Variants in PRKAG2 observed in about 807,000 individuals in gnomAD.
The protein encoded by PRKAG2 is protein kinase AMP-activated non-catalytic subunit gamma 2.
A neutral mutation model predicts 69.6 loss-of-function variants in PRKAG2; 26 were observed. That is an observed-to-expected ratio of 0.37 (90% CI 0.27 to 0.52). PRKAG2 has a LOEUF of 0.52. Ranked by LOEUF, PRKAG2 falls within the 20% of genes least tolerant of loss-of-function variation. The pLI is 0.90. For synonymous variants in PRKAG2, 293 were observed against 285.0 expected (o/e 1.03, Z -0.28); for missense variants, 557 against 740.0 (o/e 0.75, Z 2.87).
intron 1 of PRKAG2, among the ~76,000 whole-genome samples, chr7:151,812,995 C>A (rs905738108): frequency 3.3e-5 from 5 of 151,524 alleles, no homozygotes; most frequent in Admixed American, 6.6e-5. Context: ...AGTTTCCATG[C>A]AAGTTGGGGA....
intron 4 of PRKAG2, among the ~76,000 whole-genome samples, chr7:151,654,504 C>G (rs979464058): frequency 6.6e-6 from 1 of 152,192 alleles, no homozygotes; most frequent in African/African-American, 2.4e-5. Flanking sequence ...AAGGTTTCAA[C>G]TTATTACGAC....
At position 151,572,686 on chromosome 7, in the gene PRKAG2, T is replaced by C; in HGVS notation, c.1029A>G (p.Glu343=). ...TACCCCTCCATGTTTCAATTTTATG[T>C]TCCTCTAATTCATAAATCTGTACCT... ...SPMVQIYELE[E]HKIETWRELY... Residue 343 remains glutamate (E), a synonymous_variant, in exon 9 of 16, where the codon GAA becomes GAG. Transcript: ENST00000287878. 1 of 1,597,332 alleles carries C rather than the reference T, an allele frequency of 6.3e-7. No homozygotes were observed. Among genetic ancestry groups the C allele is most frequent in the Non-Finnish European group, 8.6e-7 (1 of 1,166,538 alleles).
chr7:151,673,143 G>A (rs1301365835), intron 4 of PRKAG2, among the ~76,000 whole-genome samples: 2 of 152,148 alleles, frequency 1.3e-5, no homozygotes, highest in Non-Finnish European at 2.9e-5. Context: ...GCACAAAGCT[G>A]CTGCCGTCAA....
intron 2 of PRKAG2, among the ~76,000 whole-genome samples, chr7:151,784,823 G>C (rs1375595408): frequency 1.3e-5 from 2 of 152,238 alleles, no homozygotes; most frequent in African/African-American, 4.8e-5. Context: ...CTAGGAAGCA[G>C]CCCTGCCAGT....
At position 151,756,548 on chromosome 7, in the gene PRKAG2, G is replaced by A. The variant is rs1004067830; in HGVS notation, c.466+24604C>T. Among the ~76,000 whole-genome samples, 6 of 152,206 alleles carry A rather than the reference G, an allele frequency of 3.9e-5. No homozygotes were observed. Among genetic ancestry groups the A allele is most frequent in the East Asian group, 1.9e-4 (1 of 5,190 alleles). ...CAGGGGCTGACCTCTGACCCCTGCTGCCATGTGTCCAGGCTCCCGCTGGGC... is the reference window on the plus strand; with the variant it reads ...CAGGGGCTGACCTCTGACCCCTGCTACCATGTGTCCAGGCTCCCGCTGGGC... On this transcript the variant is annotated intron_variant, in intron 3 of 15. Transcript: ENST00000287878. This position sits in a 1 kb window ranked among gnomAD's most constrained non-coding sequence, Gnocchi z 4.9.
At chr7:151,664,267 A>G (rs766768191) in intron 4 of PRKAG2, among the ~76,000 whole-genome samples, 28 of 152,118 alleles carry the variant, frequency 1.8e-4, no homozygotes, top group Non-Finnish European at 3.2e-4. Flanking sequence ...CCTTTGGGGG[A>G]GTAACTTTAC....
chr7:151,609,368 A>G (rs1308279694), intron 5 of PRKAG2, among the ~76,000 whole-genome samples: 1 of 152,226 alleles, frequency 6.6e-6, no homozygotes, highest in Non-Finnish European at 1.5e-5. Flanking sequence ...TAATTCTATG[A>G]AAATGAACAA....
intron 1 of PRKAG2, among the ~76,000 whole-genome samples, chr7:151,816,166 TAA>T (rs1473917363): frequency 3.9e-5 from 6 of 152,138 alleles, no homozygotes; most frequent in Admixed American, 6.5e-5. Flanking sequence ...GTGGCTTTCT[TAA>T]AGTCACTTTC....
At chr7:151,832,906 G>A (rs73728405) in intron 1 of PRKAG2, among the ~76,000 whole-genome samples, 6,514 of 152,192 alleles carry the variant, frequency 0.043, 167 homozygotes, top group African/African-American at 0.079. Context: ...GACCCGCTCC[G>A]GACTAGCCTG....
At chr7:151,666,968 A>G (rs1486739201) in intron 4 of PRKAG2, among the ~76,000 whole-genome samples, 1 of 152,148 alleles carries the variant, frequency 6.6e-6, no homozygotes. Context: ...CCAGCTGTTG[A>G]GAACCCTGCC....
intron 3 of PRKAG2, among the ~76,000 whole-genome samples, chr7:151,733,059 G>A (rs1413377401): frequency 1.3e-5 from 2 of 152,190 alleles, no homozygotes; most frequent in Non-Finnish European, 2.9e-5. Context: ...GTTTAGACAG[G>A]CACAGGCTTG....
intron 11 of PRKAG2, among the ~76,000 whole-genome samples, chr7:151,566,210 A>G (rs1806229160): frequency 6.6e-6 from 1 of 152,234 alleles, no homozygotes; most frequent in African/African-American, 2.4e-5. Context: ...TAAGACCTGT[A>G]AGCCACGAAG....
At chr7:151,593,153 G>C (rs1356125899) in intron 6 of PRKAG2, among the ~76,000 whole-genome samples, 3 of 152,172 alleles carry the variant, frequency 2.0e-5, no homozygotes, top group Non-Finnish European at 4.4e-5. Context: ...GGAAAGCTGG[G>C]TAAAAGTCAA....
chr7:151,558,930 T>A (rs1003450502), intron 15 of PRKAG2: 213 of 985,348 alleles, frequency 2.2e-4, no homozygotes, highest in Non-Finnish European at 2.4e-4. Context: ...TTGACTTGTT[T>A]ACTCTTTTTG....
rs562733327 is a variant in PRKAG2 at position 151,800,553 on chromosome 7, C to T, written c.115-14012G>A. On this transcript the variant is annotated intron_variant, in intron 1 of 15. Coordinates refer to ENST00000287878, the MANE Select transcript of PRKAG2 (RefSeq NM_016203.4). Reference sequence around the variant, plus strand: ...CACATCCAGGTGGGCCCCAGGGCCACGCTGGTCACTGCCACCTGGTGGGTA... The same window carrying T: ...CACATCCAGGTGGGCCCCAGGGCCATGCTGGTCACTGCCACCTGGTGGGTA... Among the ~76,000 whole-genome samples the T allele has an allele frequency of 1.2e-4, 18 of 152,230 alleles. 1 individual carries two copies. Among genetic ancestry groups the T allele is most frequent in the African/African-American group, 3.1e-4 (13 of 41,544 alleles).
chr7:151,867,030 C>T (rs1439531061), intron 1 of PRKAG2, among the ~76,000 whole-genome samples: 3 of 152,170 alleles, frequency 2.0e-5, no homozygotes, highest in Non-Finnish European at 4.4e-5. Context: ...CCCCTCCACA[C>T]TAGAACTTCC....
At chr7:151,724,869 T>A (rs1173400244) in intron 3 of PRKAG2, among the ~76,000 whole-genome samples, 1 of 151,994 alleles carries the variant, frequency 6.6e-6, no homozygotes, top group Non-Finnish European at 1.5e-5. Context: ...ATTTCTACCT[T>A]CAGAAACTCC....
At chr7:151,704,505 A>G (rs1838274853) in intron 3 of PRKAG2, among the ~76,000 whole-genome samples, 1 of 152,138 alleles carries the variant, frequency 6.6e-6, no homozygotes, top group African/African-American at 2.4e-5. Flanking sequence ...ATCTACCATC[A>G]TGTGTTTACC....
At chr7:151,799,902 C>T (rs2077741283) in intron 1 of PRKAG2, among the ~76,000 whole-genome samples, 2 of 152,204 alleles carry the variant, frequency 1.3e-5, no homozygotes, top group African/African-American at 2.4e-5. Context: ...CACGGGTGGG[C>T]TAACAACACT....
Sources: gnomAD v4.1 joint callset for allele counts (sites outside exome capture counted in the v4.1 genomes callset) on GRCh38, gnomAD v4.1.1 for gene constraint, Gnocchi (gnomAD v3.1) non-coding constraint, MANE v1.5 for transcripts, NCBI Gene and HGNC (gene_info 2026-07-23, HGNC 2026-07-21) for gene names.